Variants in RNLS observed in about 807,000 individuals in gnomAD.
RNLS encodes renalase, FAD dependent amine oxidase, also known as renalase.
Under a neutral mutation model 39.8 loss-of-function variants are expected in RNLS, and 39 were observed. The observed-to-expected ratio is 0.98, with a 90% CI of 0.76 to 1.28. The LOEUF (loss-of-function observed/expected upper bound fraction) is 1.28, where lower values mean the gene tolerates loss of function less well. Ranked by LOEUF, RNLS falls within the 50% of genes most tolerant of loss-of-function variation. The pLI is 0.00. For missense variants in RNLS, 410 were observed against 413.3 expected (o/e 0.99, Z 0.07); for synonymous variants, 147 against 150.7 (o/e 0.98, Z 0.18).
chr10:88,356,650 T>C (rs967476092), intron 5 of RNLS, among the ~76,000 whole-genome samples: 3 of 152,392 alleles, frequency 2.0e-5, no homozygotes, highest in East Asian at 1.9e-4. Flanking sequence ...AATAAAATTC[T>C]TGTGAGGATA....
intron 6 of RNLS, among the ~76,000 whole-genome samples, chr10:88,311,349 A>G (rs1472351011): frequency 6.6e-6 from 1 of 152,202 alleles, no homozygotes; most frequent in Admixed American, 6.5e-5. Context: ...AATATATCAT[A>G]CTTGTTACAG....
the RNLS span, among the ~76,000 whole-genome samples, chr10:88,174,380 T>A: frequency 1.6e-4 from 24 of 152,280 alleles, no homozygotes; most frequent in South Asian, 2.9e-3. Context: ...CCATACAGTA[T>A]AATGTTAGCT....
At chr10:88,187,155 T>C in the RNLS span, among the ~76,000 whole-genome samples, 3 of 120,578 alleles carry the variant, frequency 2.5e-5, no homozygotes, top group South Asian at 5.1e-4. Context: ...AATATATATA[T>C]ATAATATATA....
At chr10:88,510,882 T>C (rs1395901800) in intron 4 of RNLS, among the ~76,000 whole-genome samples, 1 of 150,876 alleles carries the variant, frequency 6.6e-6, no homozygotes, top group Non-Finnish European at 1.5e-5. Flanking sequence ...TAAACCTTTA[T>C]GTTCTTTATT....
rs552707290 is a variant in RNLS, at chr10:88,582,065, T to C, written c.224+137A>G. On this transcript the variant is annotated intron_variant, in intron 2 of 6. Coordinates refer to ENST00000331772, the MANE Select transcript of RNLS (RefSeq NM_001031709.3). ...ACTCCCATCACAGCTAGTTGCCTTCTTCCATAACACCAACATAGCAATTGA... is the reference window on the plus strand; with the variant it reads ...ACTCCCATCACAGCTAGTTGCCTTCCTCCATAACACCAACATAGCAATTGA... 4 of 655,484 alleles carry C rather than the reference T, an allele frequency of 6.1e-6. No homozygotes were observed. The South Asian group carries it at 7.7e-5, about 13-fold the overall frequency. The allele number at this position is 655,484 out of a possible 1,614,324, so 40.6% of individuals were successfully genotyped here.
intron 4 of RNLS, among the ~76,000 whole-genome samples, chr10:88,456,090 TACTGCCAGC>T (rs1564813924): frequency 6.6e-6 from 1 of 152,178 alleles, no homozygotes; most frequent in African/African-American, 2.4e-5. Flanking sequence ...AATTTTGTCT[TACTGCCAGC>T]AGACTCTCCT....
chr10:88,288,022 T>C (rs997600943), intron 6 of RNLS, among the ~76,000 whole-genome samples: 4 of 152,138 alleles, frequency 2.6e-5, no homozygotes, highest in African/African-American at 9.7e-5. Flanking sequence ...CAAATAACTT[T>C]CTGGCTCTTA....
At chr10:88,466,055 T>C (rs1843185422) in intron 4 of RNLS, among the ~76,000 whole-genome samples, 1 of 151,990 alleles carries the variant, frequency 6.6e-6, no homozygotes, top group Admixed American at 6.6e-5. Flanking sequence ...ATGAGTTCTG[T>C]ATCCATTGTT....
chr10:88,450,594 A>G (rs895990734), intron 4 of RNLS, among the ~76,000 whole-genome samples: 4 of 152,082 alleles, frequency 2.6e-5, no homozygotes, highest in African/African-American at 9.7e-5. Flanking sequence ...ACCACATAAA[A>G]CTGTCATTGG....
At chr10:88,363,807 A>T (rs1849823227) in intron 4 of RNLS, among the ~76,000 whole-genome samples, 1 of 152,192 alleles carries the variant, frequency 6.6e-6, no homozygotes, top group Non-Finnish European at 1.5e-5. Flanking sequence ...CACTGGTCAA[A>T]CTACTTAATT....
In RNLS at chr10:88,583,305, C is replaced by T; in HGVS notation, c.-115G>A. ...GCTCTTTGGTTCCGTGCTCCCTGGGCCGACCTGGGCCCTGAGCTTTCCTCC... is the reference window on the plus strand; with the variant it reads ...GCTCTTTGGTTCCGTGCTCCCTGGGTCGACCTGGGCCCTGAGCTTTCCTCC... On this transcript the variant is annotated 5_prime_UTR_variant, in exon 1 of 7. Coordinates refer to ENST00000331772, the MANE Select transcript of RNLS (RefSeq NM_001031709.3). 6.8e-7 allele frequency: 1 copy of T among 1,476,590 alleles called. No individual in the cohort carries two copies. The allele number at this position is 1,476,590 out of a possible 1,614,324, so 91.5% of individuals were successfully genotyped here.
chr10:88,524,960 CATATATATATATATATATATATATATAT>C (rs772272529), intron 4 of RNLS, among the ~76,000 whole-genome samples: 7 of 88,968 alleles, frequency 7.9e-5, no homozygotes, highest in Non-Finnish European at 1.5e-4. Context: ...CACACACATA[CATATATATATATATATATATATATATAT>C]ATATATATAT....
chr10:88,287,998 A>G (rs1843399099), intron 6 of RNLS, among the ~76,000 whole-genome samples: 1 of 152,170 alleles, frequency 6.6e-6, no homozygotes, highest in South Asian at 2.1e-4. Flanking sequence ...GACTGGGGCA[A>G]TTAAATGGAG....
the RNLS span, among the ~76,000 whole-genome samples, chr10:88,178,529 T>G: frequency 6.6e-6 from 1 of 152,152 alleles, no homozygotes; most frequent in Non-Finnish European, 1.5e-5. Context: ...ATCTTTTCCC[T>G]GCAGTGGGGA....
At chr10:88,215,878 T>A in the RNLS span, among the ~76,000 whole-genome samples, 1 of 151,984 alleles carries the variant, frequency 6.6e-6, no homozygotes, top group African/African-American at 2.4e-5. Flanking sequence ...TTTTGTATTT[T>A]TAGTAGAGAT....
At chr10:88,579,935 A>T (rs983410955) in intron 3 of RNLS, among the ~76,000 whole-genome samples, 1 of 152,232 alleles carries the variant, frequency 6.6e-6, no homozygotes, top group Non-Finnish European at 1.5e-5. Flanking sequence ...GAAGGCCTAC[A>T]TAGGACAAAC....
intron 5 of RNLS, among the ~76,000 whole-genome samples, chr10:88,345,435 T>C (rs1848241124): frequency 6.6e-6 from 1 of 152,180 alleles, no homozygotes; most frequent in Non-Finnish European, 1.5e-5. Flanking sequence ...GTTTAATAAC[T>C]TATTCAGGTA....
At chr10:88,522,414 A>C (rs991039666) in intron 4 of RNLS, among the ~76,000 whole-genome samples, 14 of 152,124 alleles carry the variant, frequency 9.2e-5, no homozygotes, top group African/African-American at 3.4e-4. Context: ...TTCCCTAAGC[A>C]AAACCATTCT....
intron 4 of RNLS, among the ~76,000 whole-genome samples, chr10:88,449,362 A>G (rs1418397833): frequency 6.6e-6 from 1 of 152,188 alleles, no homozygotes; most frequent in Non-Finnish European, 1.5e-5. Context: ...ATCCCTGTGG[A>G]TGGAATAAAA....
Sources: gnomAD v4.1 joint callset for allele counts (sites outside exome capture counted in the v4.1 genomes callset) on GRCh38, gnomAD v4.1.1 for gene constraint, MANE v1.5 for transcripts, NCBI Gene and HGNC (gene_info 2026-07-23, HGNC 2026-07-21) for gene names.